Variants in HDAC9 observed in about 807,000 individuals in gnomAD.
HDAC9 encodes MEF-2 interacting transcription repressor (MITR) protein.
Under a neutral mutation model 139.4 loss-of-function variants are expected in HDAC9, and 41 were observed. That is an observed-to-expected ratio of 0.29 (90% confidence interval 0.23 to 0.38). The LOEUF (loss-of-function observed/expected upper bound fraction) is 0.38, where lower values mean the gene tolerates loss of function less well. Among genes scored for constraint, HDAC9 ranks in the 10% least tolerant of loss-of-function variants. The probability of loss-of-function intolerance (pLI) is 1.00; values close to 1 mark genes in which losing one functional copy is unlikely to be tolerated. For synonymous variants in HDAC9, 517 were observed against 476.2 expected, an observed-to-expected ratio of 1.09 and a Z score of -1.12; for missense variants, 1,147 against 1,297.0, an observed-to-expected ratio of 0.88 and a Z score of 1.78.
rs113037756 is a variant in HDAC9 at position 18,748,254 on chromosome 7, G to A, written c.1910-751G>A. ...TATTATACAGTCTTTCCCATCATAA[G>A]GCTTACTTGAAAATGAAATATGCTA... is the stretch of plus-strand genomic sequence containing the variant. On this transcript the variant is annotated intron_variant, in intron 13 of 25. Coordinates refer to ENST00000686413, the MANE Select transcript of HDAC9 (RefSeq NM_178425.4). 3.5e-3 allele frequency among the ~76,000 whole-genome samples: 533 copies of A among 152,152 alleles called. 1 individual carries two copies. Among genetic ancestry groups the A allele is most frequent in the South Asian group, 0.011 (52 of 4,818 alleles).
chr7:18,713,881 G>A (rs1210494130), intron 12 of HDAC9, among the ~76,000 whole-genome samples: 2 of 149,892 alleles, frequency 1.3e-5, no homozygotes, highest in Non-Finnish European at 3.0e-5. Flanking sequence ...TTGTTATAAC[G>A]TATTTTGGTA....
intron 1 of HDAC9, among the ~76,000 whole-genome samples, chr7:18,467,545 A>G (rs1794384000): frequency 1.3e-5 from 2 of 152,186 alleles, no homozygotes; most frequent in Non-Finnish European, 2.9e-5. Flanking sequence ...TATACTTGCC[A>G]TTTATATTAC....
intron 2 of HDAC9, among the ~76,000 whole-genome samples, chr7:18,164,743 G>T (rs1013101963): frequency 1.3e-5 from 2 of 152,156 alleles, no homozygotes; most frequent in African/African-American, 4.8e-5. Context: ...AATAAGTGCT[G>T]ATTTTTGTAT....
chr7:18,173,906 C>A (rs1056198065), intron 2 of HDAC9, among the ~76,000 whole-genome samples: 1 of 152,182 alleles, frequency 6.6e-6, no homozygotes, highest in Non-Finnish European at 1.5e-5. Context: ...CTTGGTGAAT[C>A]TGACAATTAT....
At chr7:18,373,248 G>C (rs760152607) in intron 1 of HDAC9, among the ~76,000 whole-genome samples, 5 of 152,072 alleles carry the variant, frequency 3.3e-5, no homozygotes, top group Admixed American at 6.6e-5. Context: ...AGTAAGAAAA[G>C]GTGGTGTAGT....
At chr7:18,646,473 G>C (rs801529) in intron 9 of HDAC9, among the ~76,000 whole-genome samples, 1 of 152,042 alleles carries the variant, frequency 6.6e-6, no homozygotes, top group African/African-American at 2.4e-5. Flanking sequence ...TTCAAGTTTA[G>C]CATTGCTTTG....
chr7:18,591,465 C>CTGTG lies in HDAC9; in HGVS notation c.416-45_416-42dup, dbSNP rs1477952524. 131 of 1,474,234 alleles carry CTGTG rather than the reference C, an allele frequency of 8.9e-5. No homozygotes were observed. In the African/African-American group the frequency reaches 2.2e-3, roughly 24 times the overall value. 91.3% of individuals were successfully genotyped at this position (1,474,234 alleles called of 1,614,324 possible). A position where few individuals can be genotyped will look rare whatever the true frequency, so the allele number is the denominator to read the frequency against. The stretch of plus-strand genomic sequence containing the variant: ...CAAAACTCACCATCAACATCTGTTT[C>CTGTG]TGTGTGTGTATGTGTGTGTGTGTGT... On this transcript the variant is annotated intron_variant, in intron 4 of 25. Transcript: ENST00000686413.
At chr7:18,852,043 GGTGCAGAAATGGTACAC>G (rs1471462296) in intron 21 of HDAC9, among the ~76,000 whole-genome samples, 1 of 152,166 alleles carries the variant, frequency 6.6e-6, no homozygotes, top group African/African-American at 2.4e-5. Context: ...GCTGCTGAGG[GGTGCAGAAATGGTACAC>G]CTCTGTTCTG....
chr7:18,232,598 T>C (rs1329537425), intron 2 of HDAC9, among the ~76,000 whole-genome samples: 1 of 152,212 alleles, frequency 6.6e-6, no homozygotes, highest in Non-Finnish European at 1.5e-5. Context: ...CCTAGAGGCA[T>C]GGATTCTAAT....
At chr7:18,928,950 C>T (rs1215558645) in intron 22 of HDAC9, among the ~76,000 whole-genome samples, 5 of 151,420 alleles carry the variant, frequency 3.3e-5, no homozygotes, top group African/African-American at 7.3e-5. Flanking sequence ...AACGAGAATG[C>T]AATAATTTTG....
At chr7:18,230,421 AGCT>A (rs973702968) in intron 2 of HDAC9, among the ~76,000 whole-genome samples, 54 of 152,326 alleles carry the variant, frequency 3.5e-4, no homozygotes, top group African/African-American at 1.2e-3. Context: ...GGTTCCTGAG[AGCT>A]GCTGTCAAAG....
intron 1 of HDAC9, among the ~76,000 whole-genome samples, chr7:18,119,721 G>A (rs771069451): frequency 1.3e-5 from 2 of 152,194 alleles, no homozygotes; most frequent in African/African-American, 2.4e-5. Flanking sequence ...CTGTTGGACT[G>A]AAAGTAAGTG....
At chr7:18,670,447 A>G (rs1402598844) in intron 12 of HDAC9, among the ~76,000 whole-genome samples, 2 of 152,084 alleles carry the variant, frequency 1.3e-5, no homozygotes, top group Non-Finnish European at 2.9e-5. Context: ...TGTTTAGGCA[A>G]TGCAACTTTT....
intron 24 of HDAC9, among the ~76,000 whole-genome samples, chr7:18,956,049 C>T (rs1585402994): frequency 6.6e-6 from 1 of 152,104 alleles, no homozygotes; most frequent in East Asian, 1.9e-4. Context: ...CAAGTGACCT[C>T]TACAGTCTGC....
intron 12 of HDAC9, among the ~76,000 whole-genome samples, chr7:18,679,297 C>A (rs1781728393): frequency 6.6e-6 from 1 of 151,862 alleles, no homozygotes; most frequent in East Asian, 1.9e-4. Context: ...TTAACAATTG[C>A]CTATACATAT....
chr7:18,852,210 A>G (rs1433070937), intron 21 of HDAC9, among the ~76,000 whole-genome samples: 1 of 152,204 alleles, frequency 6.6e-6, no homozygotes, highest in Non-Finnish European at 1.5e-5. Flanking sequence ...AGAAGCATGT[A>G]ACAGTCGGGG....
intron 1 of HDAC9, among the ~76,000 whole-genome samples, chr7:18,330,409 A>T (rs1800826979): frequency 6.6e-6 from 1 of 151,618 alleles, no homozygotes; most frequent in Non-Finnish European, 1.5e-5. Flanking sequence ...GACATACAAG[A>T]TACCTTGTCT....
intron 8 of HDAC9, among the ~76,000 whole-genome samples, chr7:18,636,045 G>A (rs1783777196): frequency 1.3e-5 from 2 of 152,112 alleles, no homozygotes; most frequent in Non-Finnish European, 2.9e-5. Flanking sequence ...TCCAGAAGTT[G>A]TCTCTGATGA....
intron 1 of HDAC9, among the ~76,000 whole-genome samples, chr7:18,132,063 A>G (rs1785047608): frequency 6.6e-6 from 1 of 152,128 alleles, no homozygotes; most frequent in Admixed American, 6.6e-5. Flanking sequence ...AATGTGTTCC[A>G]TTCTCTAACA....
Sources: gnomAD v4.1 joint callset for allele counts (sites outside exome capture counted in the v4.1 genomes callset) on GRCh38, gnomAD v4.1.1 for gene constraint, MANE v1.5 for transcripts, NCBI Gene and HGNC (gene_info 2026-07-23, HGNC 2026-07-21) for gene names.